Variants in NRIP1 observed in about 807,000 individuals in gnomAD.
NRIP1 encodes nuclear receptor-interacting protein 1.
In NRIP1, 28 loss-of-function variants were observed where a neutral mutation model predicts 75.0. The observed-to-expected ratio is 0.37, with a 90% CI of 0.28 to 0.51. NRIP1 has a LOEUF of 0.51. NRIP1 is among the 20% of genes least tolerant of loss of function. The probability of loss-of-function intolerance (pLI) is 0.92; values close to 1 mark genes in which losing one functional copy is unlikely to be tolerated. For synonymous variants in NRIP1, 526 were observed against 487.6 expected (o/e 1.08, Z -1.04); for missense variants, 1,435 against 1,343.7 (o/e 1.07, Z -1.06).
chr21:15,031,469 G>A (rs2088689160), intron 2 of NRIP1, among the ~76,000 whole-genome samples: 1 of 138,416 alleles, frequency 7.2e-6, no homozygotes, highest in African/African-American at 2.8e-5. Context: ...CCCTTTCTAT[G>A]TGTGTACACT....
chr21:14,965,206 T>C lies in NRIP1; in HGVS notation c.2987A>G (p.Asp996Gly), dbSNP rs1187731969. The C allele has an allele frequency of 6.2e-7, 1 of 1,613,808 alleles. No individual in the cohort carries two copies. Among genetic ancestry groups the C allele is most frequent in the African/African-American group, 1.3e-5 (1 of 74,904 alleles). ...YSSTQPSSCM[D>G]NRTFSYPGVV... Reference sequence around the variant, plus strand: ...ACCTGGGTATGAAAATGTCCTGTTATCCATGCAACTGCTGGGCTGAGTGGA... The same window carrying C: ...ACCTGGGTATGAAAATGTCCTGTTACCCATGCAACTGCTGGGCTGAGTGGA... Residue 996 changes from aspartate to glycine, a missense_variant, in exon 4 of 4, where the codon GAT (aspartate) becomes GGT (glycine). Transcript: ENST00000318948.
At chr21:15,036,950 T>C (rs1253623824) in intron 2 of NRIP1, among the ~76,000 whole-genome samples, 1 of 152,206 alleles carries the variant, frequency 6.6e-6, no homozygotes, top group Middle Eastern at 3.2e-3. Flanking sequence ...GGTAATTTAT[T>C]ACTTTCACCA....
chr21:15,005,937 C>T (rs931562299), intron 3 of NRIP1, among the ~76,000 whole-genome samples: 2 of 152,050 alleles, frequency 1.3e-5, no homozygotes, highest in African/African-American at 4.8e-5. Flanking sequence ...AAACTTAAAG[C>T]TCTATTTGTA....
intron 2 of NRIP1, among the ~76,000 whole-genome samples, chr21:15,039,110 G>T (rs1478932228): frequency 6.6e-6 from 1 of 152,088 alleles, no homozygotes; most frequent in Admixed American, 6.5e-5. Flanking sequence ...CTGAGAAGAC[G>T]CCTTTTCAGC....
chr21:15,011,429 T>C (rs978348092), intron 3 of NRIP1, among the ~76,000 whole-genome samples: 1 of 152,124 alleles, frequency 6.6e-6, no homozygotes, highest in Non-Finnish European at 1.5e-5. Context: ...GACCTCGTGA[T>C]CCGCCCGCCT....
At chr21:15,023,639 A>G (rs2088433523) in intron 2 of NRIP1, among the ~76,000 whole-genome samples, 1 of 152,248 alleles carries the variant, frequency 6.6e-6, no homozygotes, top group Non-Finnish European at 1.5e-5. Context: ...AATTCTTCCC[A>G]AATTAAACAA....
intron 1 of NRIP1, among the ~76,000 whole-genome samples, chr21:15,062,298 C>CA (rs1339660723): frequency 7.9e-5 from 12 of 152,236 alleles, no homozygotes; most frequent in African/African-American, 2.9e-4. Context: ...ATCTCTGAAT[C>CA]ACAACTCTGT....
intron 2 of NRIP1, among the ~76,000 whole-genome samples, chr21:15,023,619 G>A (rs981818205): frequency 2.6e-5 from 4 of 152,214 alleles, no homozygotes; most frequent in South Asian, 2.1e-4. Context: ...ACTCAGTATC[G>A]TAAAATGACA....
intron 3 of NRIP1, among the ~76,000 whole-genome samples, chr21:15,012,447 C>CT (rs869160226): frequency 0.6 from 46,568 of 78,264 alleles, 16,933 homozygotes; most frequent in South Asian, 0.73. Flanking sequence ...ATTATAATGT[C>CT]TTTTTTTTTT....
chr21:15,036,852 C>A (rs1021279004), intron 2 of NRIP1, among the ~76,000 whole-genome samples: 1 of 151,978 alleles, frequency 6.6e-6, no homozygotes, highest in Non-Finnish European at 1.5e-5. Flanking sequence ...ATATACTTTA[C>A]CCCAATGTGA....
intron 3 of NRIP1, among the ~76,000 whole-genome samples, chr21:14,972,363 A>G (rs1449354859): frequency 1.3e-5 from 2 of 152,240 alleles, no homozygotes; most frequent in East Asian, 3.8e-4. Flanking sequence ...GAGGCACGAT[A>G]CTAAATAGTA....
intron 3 of NRIP1, among the ~76,000 whole-genome samples, chr21:14,984,282 C>T (rs368271551): frequency 1.3e-5 from 2 of 151,296 alleles, no homozygotes; most frequent in East Asian, 3.9e-4. Context: ...GTAGAAAAAG[C>T]AAAAGAACTA....
intron 2 of NRIP1, among the ~76,000 whole-genome samples, chr21:15,015,635 T>C (rs2088208288): frequency 6.6e-6 from 1 of 152,066 alleles, no homozygotes; most frequent in African/African-American, 2.4e-5. Context: ...TATTACATCA[T>C]GGAATATTAT....
Position 14,967,567 on chromosome 21 carries a change from T to G in NRIP1, c.626A>C (p.Asn209Thr), listed in dbSNP as rs1263621659. The part of the protein sequence containing the change: ...PDTNLPDVTK[N>T]LIRDRFAESP... ...CTCTGCAAACCTATCTCTGATGAGG[T>G]TTTTAGTCACATCAGGAAGATTCGT... The change falls in exon 4 of 4, where the codon AAC (asparagine) becomes ACC (threonine). Residue 209 changes from asparagine (N) to threonine (T), a missense_variant. By Grantham distance (65) the Asn-to-Thr change is moderately conservative. Coordinates refer to ENST00000318948, the MANE Select transcript of NRIP1 (RefSeq NM_003489.4). The G allele has an allele frequency of 6.8e-6, 11 of 1,614,050 alleles. No homozygotes were observed. The African/African-American group carries it at 1.2e-4, about 18-fold the overall frequency.
Position 14,966,710 on chromosome 21 carries a change from G to T in NRIP1, c.1483C>A (p.His495Asn), listed in dbSNP as rs984927966. Reference protein sequence around the residue: ...DTSKNSKLNSHQKVTLLQLLL... With the variant: ...DTSKNSKLNSNQKVTLLQLLL... The stretch of plus-strand genomic sequence containing the variant: ...AATTGAAGAAGTGTTACTTTCTGGT[G>T]TGAGTTTAGCTTAGAATTCTTTGAG... Residue 495 changes from histidine (H) to asparagine (N), a missense_variant, in exon 4 of 4, where the codon CAC (histidine) becomes AAC (asparagine). Coordinates refer to ENST00000318948, the MANE Select transcript of NRIP1 (RefSeq NM_003489.4). 2 of 1,614,046 alleles carry T rather than the reference G, an allele frequency of 1.2e-6. No individual in the cohort carries two copies. Among genetic ancestry groups the T allele is most frequent in the Non-Finnish European group, 1.7e-6 (2 of 1,179,996 alleles).
intron 3 of NRIP1, among the ~76,000 whole-genome samples, chr21:15,005,329 C>T (rs7280064): frequency 0.3 from 45,459 of 152,002 alleles, 9,926 homozygotes; most frequent in African/African-American, 0.62. Flanking sequence ...ACCAGAAATC[C>T]GGGATTATTT....
In NRIP1 at chr21:14,986,555, A is replaced by G. The variant is rs538593657; in HGVS notation, c.-334-18029T>C. 2.6e-5 allele frequency among the ~76,000 whole-genome samples: 4 copies of G among 152,316 alleles called. No homozygotes were observed. The East Asian group carries it at 5.8e-4, about 22-fold the overall frequency. ...CATTTCTCAGGTCTGAGAAGGCTAAAAAGTCATGTGGGTCCAGAAAAGATC... is the reference window on the plus strand; with the variant it reads ...CATTTCTCAGGTCTGAGAAGGCTAAGAAGTCATGTGGGTCCAGAAAAGATC... On this transcript the variant is annotated intron_variant, in intron 3 of 3. Coordinates refer to ENST00000318948, the MANE Select transcript of NRIP1 (RefSeq NM_003489.4).
chr21:15,016,376 T>C (rs1187190908), intron 2 of NRIP1, among the ~76,000 whole-genome samples: 1 of 152,164 alleles, frequency 6.6e-6, no homozygotes, highest in African/African-American at 2.4e-5. Context: ...TATTAGAATG[T>C]GGTAGGGACC....
At chr21:15,042,309 C>T (rs1366957532) in intron 2 of NRIP1, among the ~76,000 whole-genome samples, 1 of 152,132 alleles carries the variant, frequency 6.6e-6, no homozygotes, top group African/African-American at 2.4e-5. Flanking sequence ...CCAAGCAAGA[C>T]AGCTGGCAAA....
Sources: gnomAD v4.1 joint callset for allele counts (sites outside exome capture counted in the v4.1 genomes callset) on GRCh38, gnomAD v4.1.1 for gene constraint, MANE v1.5 for transcripts, NCBI Gene and HGNC (gene_info 2026-07-23, HGNC 2026-07-21) for gene names.